TG: variants seen among roughly 807,000 people sequenced by gnomAD.
TG encodes thyroglobulin, also known as thyroid hormones.
A neutral mutation model predicts 324.7 loss-of-function variants in TG; 270 were observed. The observed-to-expected ratio is 0.83, with a 90% CI of 0.75 to 0.92. TG has a LOEUF of 0.92. Ranked by LOEUF, TG falls within the 40% of genes least tolerant of loss-of-function variation. The pLI is 0.00. For missense variants in TG, 3,591 were observed against 3,456.4 expected (o/e 1.04, Z -0.98); for synonymous variants, 1,401 against 1,327.0 (o/e 1.06, Z -1.21).
intron 41 of TG, among the ~76,000 whole-genome samples, chr8:133,068,370 G>A (rs1348462209): frequency 6.6e-6 from 1 of 152,154 alleles, no homozygotes; most frequent in East Asian, 1.9e-4. Flanking sequence ...AGAGAGGCTG[G>A]GCTTTATGCT....
intron 45 of TG, among the ~76,000 whole-genome samples, chr8:133,130,652 G>GCTTT (rs1439659923): frequency 6.6e-6 from 1 of 152,096 alleles, no homozygotes; most frequent in African/African-American, 2.4e-5. Context: ...TCTCCCCAGG[G>GCTTT]CTTTCAGAAG....
At chr8:132,927,460 T>C (rs940157243) in intron 22 of TG, among the ~76,000 whole-genome samples, 2 of 152,248 alleles carry the variant, frequency 1.3e-5, no homozygotes, top group African/African-American at 4.8e-5. Flanking sequence ...ATGTTAACCT[T>C]TTATGCTTTC....
chr8:133,029,186 A>G (rs915139616), intron 40 of TG, among the ~76,000 whole-genome samples: 74 of 152,178 alleles, frequency 4.9e-4, no homozygotes, highest in African/African-American at 1.6e-3. Context: ...CCTAAGGAGA[A>G]GAGCATATTT....
intron 41 of TG, among the ~76,000 whole-genome samples, chr8:133,072,252 T>G (rs1314706458): frequency 6.6e-6 from 1 of 152,198 alleles, no homozygotes; most frequent in Non-Finnish European, 1.5e-5. Flanking sequence ...ACCCCTAAAA[T>G]TGCTGTCTTA....
At chr8:133,076,892 T>G (rs1374658919) in intron 41 of TG, 1 of 151,912 alleles carries the variant, frequency 6.6e-6, no homozygotes, top group Non-Finnish European at 1.5e-5. Flanking sequence ...GAAAGAACAT[T>G]ATGGGGTGGC....
chr8:133,109,339 A>T (rs892869727), intron 43 of TG, among the ~76,000 whole-genome samples: 1 of 152,204 alleles, frequency 6.6e-6, no homozygotes, highest in African/African-American at 2.4e-5. Context: ...TTTAACGCTT[A>T]TTGGATTAAA....
chr8:133,041,783 AG>A (rs1838289556), intron 41 of TG, among the ~76,000 whole-genome samples: 1 of 133,798 alleles, frequency 7.5e-6, no homozygotes, highest in Non-Finnish European at 1.5e-5. Context: ...GCTTGTGGTC[AG>A]TTTTTTTTTT....
At chr8:133,111,100 C>G (rs955387898) in intron 43 of TG, among the ~76,000 whole-genome samples, 1 of 152,232 alleles carries the variant, frequency 6.6e-6, no homozygotes, top group Non-Finnish European at 1.5e-5. Flanking sequence ...AAACTCAATG[C>G]TCTTTTCACT....
At chr8:133,094,869 C>A in intron 41 of TG, 175 bp from the exon 42 acceptor site, 1 of 802,608 alleles carries the variant, frequency 1.2e-6, no homozygotes. Context: ...ACACTGCATG[C>A]TGATATGCTG....
intron 41 of TG, among the ~76,000 whole-genome samples, chr8:133,067,763 GC>G (rs1037350621): frequency 2.0e-5 from 3 of 151,028 alleles, no homozygotes; most frequent in Admixed American, 2.0e-4. Context: ...GAGTGACAGA[GC>G]AAGACTCCAT....
intron 26 of TG, among the ~76,000 whole-genome samples, chr8:132,943,696 TC>T (rs770804161): frequency 4.6e-5 from 7 of 152,116 alleles, no homozygotes; most frequent in Admixed American, 3.3e-4. Context: ...GCTCTCCTTC[TC>T]TACCACAGCC....
chr8:133,093,627 G>T (rs73354637), intron 41 of TG, among the ~76,000 whole-genome samples: 5,480 of 152,220 alleles, frequency 0.036, 337 homozygotes, highest in African/African-American at 0.13. Flanking sequence ...CCATGCACTT[G>T]TGTTTTTCCT....
In TG at chr8:132,923,338, G is replaced by T; in HGVS notation, c.4529G>T (p.Cys1510Phe). 6.2e-7 allele frequency: 1 copy of T among 1,614,124 alleles called. No homozygotes were observed. The highest frequency in any genetic ancestry group is 8.5e-7 in the Non-Finnish European group (1 of 1,180,030). ...GGCTATGTCAATCTATTGGTTCTAG[G>T]TGTCACTGACTGTCAGAGGAACGAA... ...ISAGAFSQTH[C>F]VTDCQRNEAG... The change falls in exon 22 of 48, where the codon TGT (cysteine) becomes TTT (phenylalanine). Residue 1510 changes from cysteine (C) to phenylalanine (F), a missense_variant and splice_region_variant. By Grantham distance (205) the Cys-to-Phe change is radical (BLOSUM62 -2). Transcript: ENST00000220616.
intron 41 of TG, chr8:133,058,956 G>A (rs1158292306): frequency 2.1e-6 from 1 of 480,518 alleles, no homozygotes; most frequent in Admixed American, 2.2e-5. Context: ...TGCTGGCTTG[G>A]GGGCATTGGA....
At chr8:133,100,704 C>G (rs931989962) in intron 43 of TG, among the ~76,000 whole-genome samples, 3 of 152,208 alleles carry the variant, frequency 2.0e-5, no homozygotes, top group African/African-American at 4.8e-5. Flanking sequence ...CCTCTGAGAG[C>G]CTTCCATCTA....
chr8:132,885,088 G>T (rs1326982401), intron 8 of TG, among the ~76,000 whole-genome samples: 3 of 149,974 alleles, frequency 2.0e-5, no homozygotes, highest in African/African-American at 7.3e-5. Flanking sequence ...CTTTCTTTTT[G>T]GCATTTATGT....
intron 38 of TG, 125 bp from the exon 39 acceptor site, chr8:133,019,477 C>A: frequency 1.3e-6 from 1 of 764,078 alleles, no homozygotes. Context: ...CTGAAGCTGC[C>A]TAATTTCTGC....
At position 132,888,007 on chromosome 8, in the gene TG, T is replaced by G. The variant is rs180223; in HGVS notation, c.2200T>G (p.Ser734Ala). Reference sequence around the variant, plus strand: ...AGGCCCCACGCCCTGTCAATTACAGTCTGAGCAAGCTTTCCTCAGGACGGT... The same window carrying G: ...AGGCCCCACGCCCTGTCAATTACAGGCTGAGCAAGCTTTCCTCAGGACGGT... The part of the protein sequence containing the change: ...KKCPTPCQLQ[S>A]EQAFLRTVQA... Residue 734 changes from serine (S) to alanine (A), a missense_variant, in exon 10 of 48, where the codon TCT becomes GCT. Ser to Ala is a moderately conservative substitution (Grantham distance 99). Coordinates refer to ENST00000220616, the MANE Select transcript of TG (RefSeq NM_003235.5). The G allele has an allele frequency of 0.54, 875,912 of 1,613,142 alleles. 242,273 individuals are homozygous for G. The highest frequency in any genetic ancestry group is 0.76 in the East Asian group (34,160 of 44,852).
chr8:132,901,270 G>T (rs550480225), intron 15 of TG, 83 bp from the exon 16 acceptor site: 6 of 1,543,746 alleles, frequency 3.9e-6, no homozygotes, highest in Non-Finnish European at 5.3e-6. Context: ...GAGGGTGGCC[G>T]TGGGTGGTGA....
Sources: gnomAD v4.1 joint callset for allele counts (sites outside exome capture counted in the v4.1 genomes callset) on GRCh38, gnomAD v4.1.1 for gene constraint, MANE v1.5 for transcripts, NCBI Gene and HGNC (gene_info 2026-07-23, HGNC 2026-07-21) for gene names.